TASP1: variants seen among roughly 807,000 people sequenced by gnomAD.
The protein encoded by TASP1 is threonine aspartase 1.
Under a neutral mutation model 56.6 loss-of-function variants are expected in TASP1, and 16 were observed. The ratio of observed to expected loss-of-function variants is 0.28; its 90% CI spans 0.19 to 0.43. The LOEUF (loss-of-function observed/expected upper bound fraction) is 0.43. Among genes scored for constraint, TASP1 ranks in the 20% least tolerant of loss-of-function variants. The pLI, the probability that TASP1 is intolerant of heterozygous loss-of-function variation, is 1.00. For missense variants in TASP1, 393 were observed against 511.6 expected (o/e 0.77, Z 2.24); for synonymous variants, 179 against 184.2 (o/e 0.97, Z 0.23).
the TASP1 span, among the ~76,000 whole-genome samples, chr20:13,175,254 A>G: frequency 1.2e-4 from 18 of 152,330 alleles, no homozygotes; most frequent in East Asian, 3.5e-3. Context: ...CTCTCATTGC[A>G]AAGTGGAAAT....
intron 6 of TASP1, among the ~76,000 whole-genome samples, chr20:13,576,342 G>GAAGAAAGGAAGAAAGA (rs1395310069): frequency 1.5e-5 from 2 of 131,650 alleles, no homozygotes; most frequent in Admixed American, 8.1e-5. Context: ...AGAAAGAAAG[G>GAAGAAAGGAAGAAAGA]AAGAAAGAAA....
At chr20:13,261,809 C>T in the TASP1 span, among the ~76,000 whole-genome samples, 1 of 152,152 alleles carries the variant, frequency 6.6e-6, no homozygotes, top group Non-Finnish European at 1.5e-5. Flanking sequence ...TGGCAAGGGT[C>T]CCTAGGCCAC....
intron 11 of TASP1, among the ~76,000 whole-genome samples, chr20:13,467,992 AG>A (rs1949181054): frequency 6.6e-6 from 1 of 152,040 alleles, no homozygotes; most frequent in Non-Finnish European, 1.5e-5. Flanking sequence ...TTCCAGCCTG[AG>A]CAACAAAAGT....
chr20:13,462,716 T>C (rs186736108), intron 11 of TASP1, among the ~76,000 whole-genome samples: 11 of 152,254 alleles, frequency 7.2e-5, no homozygotes, highest in Admixed American at 3.3e-4. Context: ...TTGAACTCGA[T>C]TTCTATATAC....
chr20:13,559,822 A>G (rs934703728), intron 7 of TASP1, among the ~76,000 whole-genome samples: 13 of 152,184 alleles, frequency 8.5e-5, no homozygotes, highest in African/African-American at 3.1e-4. Flanking sequence ...AAGAACTCCC[A>G]TGTTTCAATC....
intron 10 of TASP1, among the ~76,000 whole-genome samples, chr20:13,498,509 C>T (rs919354224): frequency 1.3e-5 from 2 of 151,924 alleles, no homozygotes; most frequent in Non-Finnish European, 2.9e-5. Context: ...CAGGCACCCA[C>T]CACCACGCCC....
the TASP1 span, among the ~76,000 whole-genome samples, chr20:13,294,281 C>T: frequency 8.5e-5 from 13 of 152,296 alleles, no homozygotes; most frequent in South Asian, 2.3e-3. Flanking sequence ...AATTCAGTGT[C>T]GCTAGGGCCT....
intron 8 of TASP1, among the ~76,000 whole-genome samples, chr20:13,553,134 G>C (rs760698665): frequency 6.6e-5 from 10 of 152,160 alleles, no homozygotes; most frequent in Non-Finnish European, 1.5e-4. Context: ...TAGAGAGACA[G>C]GGTCTTGCTA....
chr20:13,202,646 A>G, the TASP1 span, among the ~76,000 whole-genome samples: 153 of 152,374 alleles, frequency 1.0e-3, no homozygotes, highest in Admixed American at 3.2e-3. Flanking sequence ...CCATTAGGGT[A>G]GCCTCCCAAA....
intron 7 of TASP1, among the ~76,000 whole-genome samples, chr20:13,559,791 C>A (rs903286341): frequency 6.6e-6 from 1 of 152,146 alleles, no homozygotes; most frequent in Non-Finnish European, 1.5e-5. Flanking sequence ...AACAAACTGG[C>A]CTTAACTTAC....
At chr20:13,314,567 A>T in the TASP1 span, among the ~76,000 whole-genome samples, 1 of 152,132 alleles carries the variant, frequency 6.6e-6, no homozygotes, top group Non-Finnish European at 1.5e-5. Context: ...ACCTTTTCTC[A>T]GACAAACAAA....
the TASP1 span, among the ~76,000 whole-genome samples, chr20:13,174,275 G>A: frequency 1.5e-4 from 23 of 152,298 alleles, no homozygotes; most frequent in African/African-American, 4.8e-4. Flanking sequence ...TTAAATAGAT[G>A]TTATACATTA....
intron 10 of TASP1, among the ~76,000 whole-genome samples, chr20:13,504,927 C>CA (rs1269853530): frequency 6.6e-6 from 1 of 151,798 alleles, no homozygotes; most frequent in African/African-American, 2.4e-5. Flanking sequence ...AACAAAACGG[C>CA]AATAGTACAT....
the TASP1 span, among the ~76,000 whole-genome samples, chr20:13,266,257 G>A: frequency 6.6e-6 from 1 of 152,200 alleles, no homozygotes; most frequent in Non-Finnish European, 1.5e-5. Flanking sequence ...CCACAGTACT[G>A]CCATGTAAGG....
At chr20:13,485,896 C>T (rs763378132) in intron 10 of TASP1, among the ~76,000 whole-genome samples, 7 of 152,052 alleles carry the variant, frequency 4.6e-5, no homozygotes, top group Non-Finnish European at 7.4e-5. Context: ...ATACACATGC[C>T]TGAAGTCAAA....
intron 12 of TASP1, among the ~76,000 whole-genome samples, chr20:13,422,032 AGCTCTG>A (rs2042456459): frequency 6.9e-6 from 1 of 145,044 alleles, no homozygotes; most frequent in South Asian, 2.2e-4. Context: ...GCTCACTGCA[AGCTCTG>A]CCTCCCGGGT....
intron 11 of TASP1, among the ~76,000 whole-genome samples, chr20:13,464,094 C>T (rs2044159156): frequency 6.6e-6 from 1 of 152,160 alleles, no homozygotes; most frequent in Admixed American, 6.5e-5. Context: ...GTGTTATTCA[C>T]AACGGCCACA....
the TASP1 span, among the ~76,000 whole-genome samples, chr20:13,336,796 T>G: frequency 2.0e-5 from 3 of 152,054 alleles, no homozygotes; most frequent in East Asian, 5.8e-4. Flanking sequence ...TCACTAAAGA[T>G]AAAAAGAGCA....
the TASP1 span, chr20:13,288,442 C>T: frequency 1.5e-5 from 20 of 1,298,824 alleles, no homozygotes; most frequent in African/African-American, 8.8e-5. Flanking sequence ...CCTCCCACAG[C>T]GAGAAGGATA....
Sources: allele counts gnomAD v4.1 joint callset (sites outside exome capture counted in the v4.1 genomes callset), GRCh38; gene constraint gnomAD v4.1.1; transcripts MANE v1.5; gene names NCBI Gene and HGNC (gene_info 2026-07-23, HGNC 2026-07-21).